The following FBXO36 variants were observed in gnomAD, a reference collection of about 807,000 sequenced individuals.
FBXO36 encodes F-box protein 36.
In FBXO36, 18 loss-of-function variants were observed where a neutral mutation model predicts 17.0. The ratio of observed to expected loss-of-function variants is 1.06; its 90% CI spans 0.73 to 1.57. The LOEUF is 1.57. Ranked by LOEUF, FBXO36 falls within the 40% of genes most tolerant of loss-of-function variation. The probability of loss-of-function intolerance (pLI) is 0.00; values close to 1 mark genes in which losing one functional copy is unlikely to be tolerated. For synonymous variants in FBXO36, 83 were observed against 85.3 expected (o/e 0.97, Z 0.15); for missense variants, 229 against 221.9 (o/e 1.03, Z -0.20).
intron 1 of FBXO36, among the ~76,000 whole-genome samples, chr2:229,924,117 G>A (rs563892029): frequency 1.3e-5 from 2 of 150,212 alleles, no homozygotes; most frequent in South Asian, 4.2e-4. Context: ...TCGAGAGGGA[G>A]TCTCCCTCTG....
intron 1 of FBXO36, among the ~76,000 whole-genome samples, chr2:229,932,289 C>A (rs894446467): frequency 6.6e-6 from 1 of 151,360 alleles, no homozygotes; most frequent in Non-Finnish European, 1.5e-5. Context: ...AGGAGGCTGA[C>A]GCGGATGGAT....
chr2:229,993,146 A>G (rs1465384845), intron 2 of FBXO36, among the ~76,000 whole-genome samples: 1 of 152,140 alleles, frequency 6.6e-6, no homozygotes, highest in Non-Finnish European at 1.5e-5. Flanking sequence ...ACCCCAAAAC[A>G]TGTTGATTTG....
At chr2:230,009,292 C>T (rs1361683128) in intron 3 of FBXO36, among the ~76,000 whole-genome samples, 1 of 152,076 alleles carries the variant, frequency 6.6e-6, no homozygotes, top group Non-Finnish European at 1.5e-5. Context: ...CCTGGTGCTC[C>T]ATTATGAGGG....
chr2:229,932,401 T>C (rs2076943297), intron 1 of FBXO36, among the ~76,000 whole-genome samples: 1 of 152,042 alleles, frequency 6.6e-6, no homozygotes, highest in Non-Finnish European at 1.5e-5. Context: ...GTGCCTGTAA[T>C]CCCAGCTACT....
At chr2:229,986,122 A>C (rs558349315) in intron 2 of FBXO36, among the ~76,000 whole-genome samples, 16 of 152,314 alleles carry the variant, frequency 1.1e-4, no homozygotes, top group African/African-American at 3.6e-4. Context: ...CTGTGTTTCT[A>C]GTTCCAGGAC....
intron 1 of FBXO36, among the ~76,000 whole-genome samples, chr2:229,974,898 G>T (rs1385478071): frequency 1.3e-5 from 2 of 152,062 alleles, no homozygotes; most frequent in Non-Finnish European, 2.9e-5. Flanking sequence ...TGAAGCTGTA[G>T]CCCCCAGTGT....
intron 1 of FBXO36, among the ~76,000 whole-genome samples, chr2:229,953,878 A>T (rs955086403): frequency 5.9e-5 from 9 of 151,504 alleles, no homozygotes; most frequent in Admixed American, 2.6e-4. Context: ...CTTTTTTTTT[A>T]AATTTTAAAG....
At chr2:229,949,880 G>C (rs1022501878) in intron 1 of FBXO36, among the ~76,000 whole-genome samples, 89 of 152,214 alleles carry the variant, frequency 5.8e-4, no homozygotes, top group African/African-American at 2.0e-3. Flanking sequence ...AGCCGAGATC[G>C]TGCCAGGGCA....
At chr2:229,927,672 C>T (rs934813787) in intron 1 of FBXO36, among the ~76,000 whole-genome samples, 6 of 148,890 alleles carry the variant, frequency 4.0e-5, no homozygotes, top group African/African-American at 1.5e-4. Flanking sequence ...AAGAATTGGG[C>T]AATAGATTCG....
intron 1 of FBXO36, among the ~76,000 whole-genome samples, chr2:229,926,143 A>G (rs1364030054): frequency 4.0e-5 from 6 of 150,666 alleles, no homozygotes; most frequent in African/African-American, 1.5e-4. Context: ...AAAAAAAAAA[A>G]AAGGGGGGGC....
intron 1 of FBXO36, among the ~76,000 whole-genome samples, chr2:229,960,365 A>G (rs1222062046): frequency 6.6e-6 from 1 of 151,848 alleles, no homozygotes; most frequent in Admixed American, 6.6e-5. Context: ...ATTTTTGTAG[A>G]GGTGGGGTGA....
In FBXO36 at chr2:229,956,994, T is replaced by C. The variant is rs2077091848; in HGVS notation, c.97-19247T>C. Among the ~76,000 whole-genome samples the C allele has an allele frequency of 2.0e-5, 3 of 152,254 alleles. No homozygotes were observed. In the South Asian group the frequency reaches 6.2e-4, roughly 32 times the overall value. On this transcript the variant is annotated intron_variant, in intron 1 of 3. Coordinates refer to ENST00000283946, the MANE Select transcript of FBXO36 (RefSeq NM_174899.5). ...TTACAAGTCTTATCTCCAAATACCA[T>C]CACACTGGGGGTTAGGACTTCAAAG...
intron 1 of FBXO36, among the ~76,000 whole-genome samples, chr2:229,945,432 G>A (rs1345065883): frequency 1.3e-5 from 2 of 151,892 alleles, no homozygotes; most frequent in Non-Finnish European, 2.9e-5. Flanking sequence ...TTTGCCTCCC[G>A]AGTAGCTGGG....
At chr2:229,983,023 C>T (rs1039726066) in intron 2 of FBXO36, among the ~76,000 whole-genome samples, 1 of 151,984 alleles carries the variant, frequency 6.6e-6, no homozygotes, top group Non-Finnish European at 1.5e-5. Context: ...CACTCTGTTG[C>T]CCAGGCTGGA....
intron 3 of FBXO36, among the ~76,000 whole-genome samples, chr2:229,999,476 T>C (rs1464182949): frequency 6.8e-6 from 1 of 147,284 alleles, no homozygotes; most frequent in African/African-American, 2.5e-5. Context: ...CTTTTGAGAG[T>C]GTGTGTGTGT....
At chr2:229,986,930 A>G (rs994917414) in intron 2 of FBXO36, among the ~76,000 whole-genome samples, 7 of 151,878 alleles carry the variant, frequency 4.6e-5, no homozygotes, top group African/African-American at 1.7e-4. Flanking sequence ...AACATTACAG[A>G]GACTCTGGCT....
chr2:229,966,354 C>G (rs963983314), intron 1 of FBXO36, among the ~76,000 whole-genome samples: 1 of 152,142 alleles, frequency 6.6e-6, no homozygotes. Context: ...ATGGTAGTTT[C>G]TTTTGCTGTG....
At chr2:229,985,030 T>C (rs1394969889) in intron 2 of FBXO36, among the ~76,000 whole-genome samples, 1 of 152,164 alleles carries the variant, frequency 6.6e-6, no homozygotes, top group African/African-American at 2.4e-5. Context: ...GAATTCAGGG[T>C]TAACGTGACC....
chr2:229,944,286 A>G (rs978368745), intron 1 of FBXO36, among the ~76,000 whole-genome samples: 3 of 152,228 alleles, frequency 2.0e-5, no homozygotes, highest in African/African-American at 7.2e-5. Flanking sequence ...AACCTAAGGT[A>G]AAATAAAGCT....
Sources: gnomAD v4.1 joint callset for allele counts (sites outside exome capture counted in the v4.1 genomes callset) on GRCh38, gnomAD v4.1.1 for gene constraint, MANE v1.5 for transcripts, NCBI Gene and HGNC (gene_info 2026-07-23, HGNC 2026-07-21) for gene names.